Variants in ALDH1L1 observed in about 807,000 individuals in gnomAD.
The protein encoded by ALDH1L1 is aldehyde dehydrogenase 1 family member L1.
Under a neutral mutation model 101.1 loss-of-function variants are expected in ALDH1L1, and 68 were observed. The observed-to-expected ratio is 0.67, with a 90% CI of 0.55 to 0.82. ALDH1L1 has a LOEUF of 0.82. ALDH1L1 is among the 40% of genes least tolerant of loss of function. ALDH1L1 has a pLI of 0.00. For missense variants in ALDH1L1, 1,087 were observed against 1,172.7 expected, an observed-to-expected ratio of 0.93 and a Z score of 1.07; for synonymous variants, 486 against 470.8, an observed-to-expected ratio of 1.03 and a Z score of -0.42.
At chr3:126,188,942 G>GTT (rs201083859) in intron 1 of ALDH1L1, among the ~76,000 whole-genome samples, 1 of 151,988 alleles carries the variant, frequency 6.6e-6, no homozygotes, top group South Asian at 2.1e-4. Context: ...TAGCCTGTTT[G>GTT]TTGTTTTTTT....
chr3:126,106,595 G>C (rs1209183643), intron 21 of ALDH1L1, among the ~76,000 whole-genome samples: 2 of 152,104 alleles, frequency 1.3e-5, no homozygotes, highest in East Asian at 3.9e-4. Context: ...AGATTATAAA[G>C]AGCCTTTTGG....
In ALDH1L1 at chr3:126,158,530, C is replaced by A. The variant is rs373974625; in HGVS notation, c.237G>T (p.Glu79Asp). The change falls in exon 3 of 23, where the codon GAG (glutamate) becomes GAT (aspartate). Residue 79 changes from glutamate to aspartate, a missense_variant. Physicochemically the swap from Glu to Asp is conservative, Grantham distance 45. Transcript: ENST00000393434. ...VVAKYQALGAELNVLPFCSQF... is the reference protein window; with the variant it reads ...VVAKYQALGADLNVLPFCSQF... Reference sequence around the variant, plus strand: ...GGCTGCAGAAGGGCAGGACGTTGAGCTCGGCCCCCAAAGCCTGGTATTTTG... The same window carrying A: ...GGCTGCAGAAGGGCAGGACGTTGAGATCGGCCCCCAAAGCCTGGTATTTTG... 1.9e-6 allele frequency: 3 copies of A among 1,614,106 alleles called. No individual in the cohort carries two copies. Among genetic ancestry groups the A allele is most frequent in the Non-Finnish European group, 2.5e-6 (3 of 1,180,036 alleles).
At chr3:126,170,424 T>TAA (rs59239455) in intron 1 of ALDH1L1, among the ~76,000 whole-genome samples, 44,159 of 120,850 alleles carry the variant, frequency 0.37, 8,336 homozygotes, top group Middle Eastern at 0.44. Flanking sequence ...TGCCTGTCAT[T>TAA]AAAAAAAAAA....
At chr3:126,105,319 A>G (rs960968451) in intron 22 of ALDH1L1, 8 of 307,296 alleles carry the variant, frequency 2.6e-5, no homozygotes, top group Non-Finnish European at 5.2e-5. Flanking sequence ...GCCCACTCCC[A>G]CCACTCTGGC....
intron 1 of ALDH1L1, among the ~76,000 whole-genome samples, chr3:126,171,944 C>T (rs1423933929): frequency 1.3e-5 from 2 of 152,038 alleles, no homozygotes; most frequent in Admixed American, 6.5e-5. Flanking sequence ...AAGGGGATTA[C>T]GGATAAGAGA....
chr3:126,196,235 A>C (rs34648877), intron 1 of ALDH1L1, among the ~76,000 whole-genome samples: 11,483 of 152,240 alleles, frequency 0.075, 519 homozygotes, highest in South Asian at 0.14. Context: ...TAATATAATA[A>C]GCAGTCACAG....
At chr3:126,144,667 G>A (rs561698583) in intron 9 of ALDH1L1, among the ~76,000 whole-genome samples, 12 of 152,008 alleles carry the variant, frequency 7.9e-5, no homozygotes, top group African/African-American at 1.9e-4. Flanking sequence ...TAATTAAATC[G>A]GATCCTTATC....
intron 13 of ALDH1L1, among the ~76,000 whole-genome samples, chr3:126,131,104 G>A (rs1441060654): frequency 6.6e-6 from 1 of 152,220 alleles, no homozygotes; most frequent in East Asian, 1.9e-4. Context: ...GTCAACACCC[G>A]AACTCGTCTG....
intron 1 of ALDH1L1, among the ~76,000 whole-genome samples, chr3:126,163,483 A>G (rs905959765): frequency 2.6e-5 from 4 of 152,208 alleles, no homozygotes; most frequent in Non-Finnish European, 5.9e-5. Context: ...TTGAATACAG[A>G]TGGTGATAGT....
At position 126,124,392 on chromosome 3, in the gene ALDH1L1, T is replaced by C. The variant is rs765269355; in HGVS notation, c.1860A>G (p.Lys620=). 1.2e-6 allele frequency: 2 copies of C among 1,612,394 alleles called. No individual in the cohort carries two copies. The highest frequency in any genetic ancestry group is 4.5e-5 in the East Asian group (2 of 44,708). ...ATCCTGGGAGGACGTTAACCACACC[T>C]TTGGGAATGCCGGCCTTTAATGTCA... is the stretch of plus-strand genomic sequence containing the variant. ...AELTLKAGIP[K]GVVNVLPGSG... Residue 620 remains lysine, a synonymous_variant, in exon 16 of 23, where the codon AAA becomes AAG. Coordinates refer to ENST00000393434, the MANE Select transcript of ALDH1L1 (RefSeq NM_012190.4).
intron 7 of ALDH1L1, chr3:126,151,993 A>G (rs2166766): frequency 0.46 from 69,500 of 152,360 alleles, 16,144 homozygotes; most frequent in African/African-American, 0.56. Context: ...AGGTCTCTGG[A>G]CAGATGCTGT....
At chr3:126,165,969 GTTGGT>G (rs1380403953) in intron 1 of ALDH1L1, among the ~76,000 whole-genome samples, 1 of 151,468 alleles carries the variant, frequency 6.6e-6, no homozygotes, top group Non-Finnish European at 1.5e-5. Context: ...TGGCTTTGGG[GTTGGT>G]TTGTTCTTTT....
intron 9 of ALDH1L1, among the ~76,000 whole-genome samples, chr3:126,144,745 A>C (rs7648980): frequency 0.38 from 58,197 of 152,096 alleles, 11,304 homozygotes; most frequent in Middle Eastern, 0.49. Context: ...CTATAAAACT[A>C]GAAGAAAGCA....
At chr3:126,141,573 T>C (rs574981963) in intron 9 of ALDH1L1, among the ~76,000 whole-genome samples, 1 of 152,030 alleles carries the variant, frequency 6.6e-6, no homozygotes, top group African/African-American at 2.4e-5. Context: ...TCCATAAAGA[T>C]ATGAAAATGA....
chr3:126,150,403 T>TA lies in ALDH1L1; in HGVS notation c.984+2dup. On this transcript the variant is annotated splice_region_variant and intron_variant, in intron 8 of 22. Coordinates refer to ENST00000393434, the MANE Select transcript of ALDH1L1 (RefSeq NM_012190.4). ...GGATGGCAGCCCTGAAGTTGCCTCT[T>TA]ACCCGCACAGCCTCCGCAGTAACCA... 6.4e-7 allele frequency: 1 copy of TA among 1,550,834 alleles called. No individual in the cohort carries two copies. Among genetic ancestry groups the TA allele is most frequent in the Non-Finnish European group, 8.7e-7 (1 of 1,146,658 alleles).
chr3:126,190,170 T>C (rs1187155348), intron 1 of ALDH1L1, among the ~76,000 whole-genome samples: 1 of 152,200 alleles, frequency 6.6e-6, no homozygotes, highest in Non-Finnish European at 1.5e-5. Context: ...ACATGCAAAC[T>C]ATTACAATAA....
rs749445826 is a variant in ALDH1L1, at chr3:126,146,853, G to T, written c.1058C>A (p.Ala353Glu). ...DSTDFFKSGA[A>E]SVDVVRLVEE... ...GCCTTACCTCACAACGTCCACAGAC[G>T]CGGCCCCTGACTTGAAGAAATCAGT... Residue 353 changes from alanine to glutamate, a missense_variant, in exon 9 of 23, where the codon GCG (alanine) becomes GAG (glutamate). Physicochemically the swap from Ala to Glu is moderately radical, Grantham distance 107. Around this residue, in one of 2 missense-constraint regions of ALDH1L1, gnomAD observed 645 missense variants for 637.0 expected, o/e 1.01. Transcript: ENST00000393434. 1 of 1,614,104 alleles carries T rather than the reference G, an allele frequency of 6.2e-7. No individual in the cohort carries two copies. The highest frequency in any genetic ancestry group is 1.1e-5 in the South Asian group (1 of 91,074).
chr3:126,182,401 C>G (rs2081484235), upstream of ALDH1L1, among the ~76,000 whole-genome samples: 1 of 152,214 alleles, frequency 6.6e-6, no homozygotes, highest in Non-Finnish European at 1.5e-5. Context: ...GATCCACCTA[C>G]CTCAGCCTCC....
At chr3:126,183,525 GC>G (rs1446958854), upstream of ALDH1L1, among the ~76,000 whole-genome samples, 2 of 152,178 alleles carry the variant, frequency 1.3e-5, no homozygotes, top group Non-Finnish European at 2.9e-5. Context: ...GGAGCCAAGA[GC>G]GTGGAGAATC....
Sources: allele counts gnomAD v4.1 joint callset (sites outside exome capture counted in the v4.1 genomes callset), GRCh38; gene constraint gnomAD v4.1.1; regional missense constraint gnomAD v4.1.1; transcripts MANE v1.5; gene names NCBI Gene and HGNC (gene_info 2026-07-23, HGNC 2026-07-21).